Variants in LRP8 observed in about 807,000 individuals in gnomAD.
LRP8 encodes low-density lipoprotein receptor-related protein 8.
LRP8 carries 46 observed loss-of-function variants against 111.6 expected under a neutral mutation model. The ratio of observed to expected loss-of-function variants is 0.41; its 90% CI spans 0.33 to 0.53. LRP8 has a LOEUF of 0.53. LRP8 is among the 20% of genes least tolerant of loss of function. LRP8 has a pLI of 0.20. For synonymous variants in LRP8, 464 were observed against 511.2 expected, an observed-to-expected ratio of 0.91 and a Z score of 1.24; for missense variants, 959 against 1,297.4, an observed-to-expected ratio of 0.74 and a Z score of 4.01.
chr1:53,322,772 C>G (rs1407420360), intron 2 of LRP8, among the ~76,000 whole-genome samples: 2 of 152,148 alleles, frequency 1.3e-5, no homozygotes, highest in African/African-American at 4.8e-5. Flanking sequence ...CACGTCCAGG[C>G]CGCACACTGA....
intron 1 of LRP8, 195 bp from the exon 2 acceptor site, chr1:53,327,187 G>T: frequency 2.9e-6 from 2 of 686,282 alleles, no homozygotes; most frequent in South Asian, 2.0e-5. Flanking sequence ...CCGCTCGGTG[G>T]CACGGCGAGA....
At position 53,293,073 on chromosome 1, in the gene LRP8, A is replaced by G. The variant is rs1270850399; in HGVS notation, c.245-3384T>C. Among the ~76,000 whole-genome samples the G allele has an allele frequency of 1.3e-5, 2 of 152,208 alleles. No homozygotes were observed. The highest frequency in any genetic ancestry group is 2.9e-5 in the Non-Finnish European group (2 of 68,032). On this transcript the variant is annotated intron_variant, in intron 2 of 18. Coordinates refer to ENST00000306052, the MANE Select transcript of LRP8 (RefSeq NM_004631.5). This position sits in a 1 kb window ranked among gnomAD's most constrained non-coding sequence, Gnocchi z 4.9. ...TGTGTGGTCAGACAGTGCCCAAAAC[A>G]GCAGGGCAGGCTTGAAGAAGGTGAT...
chr1:53,266,728 G>T lies in LRP8; in HGVS notation c.1253-81C>A, dbSNP rs975291206. On this transcript the variant is annotated intron_variant, in intron 8 of 18. Coordinates refer to ENST00000306052, the MANE Select transcript of LRP8 (RefSeq NM_004631.5). This position sits in a 1 kb window ranked among gnomAD's most constrained non-coding sequence, Gnocchi z 5.0. ...GAGACCAAGACTCTGCCACTGGCTT[G>T]CTGGCTGACACATCCATTTTCCTTA... The T allele has an allele frequency of 2.3e-6, 3 of 1,284,724 alleles. No individual in the cohort carries two copies. The highest frequency in any genetic ancestry group is 3.4e-6 in the Non-Finnish European group (3 of 893,574). The allele number at this position is 1,284,724 out of a possible 1,614,324, so 79.6% of individuals were successfully genotyped here.
intron 8 of LRP8, chr1:53,267,472 GA>G (rs66785070): frequency 0.38 from 55,371 of 146,906 alleles, 11,132 homozygotes; most frequent in East Asian, 0.71. Flanking sequence ...TGTCTCAAAG[GA>G]AAAAAAAAAA....
intron 2 of LRP8, among the ~76,000 whole-genome samples, chr1:53,306,505 A>AC (rs879647362): frequency 7.9e-5 from 12 of 151,920 alleles, no homozygotes; most frequent in African/African-American, 1.9e-4. Flanking sequence ...TCCCAGCTCT[A>AC]CCCCCCGAGC....
Position 53,303,392 on chromosome 1 carries a change from C to T in LRP8, c.245-13703G>A, listed in dbSNP as rs138598170. 2.0e-4 allele frequency among the ~76,000 whole-genome samples: 30 copies of T among 152,300 alleles called. 1 individual carries two copies. Among genetic ancestry groups the T allele is most frequent in the African/African-American group, 6.7e-4 (28 of 41,558 alleles). On this transcript the variant is annotated intron_variant, in intron 2 of 18. Transcript: ENST00000306052. This position sits in a 1 kb window ranked among gnomAD's most constrained non-coding sequence, Gnocchi z 4.3. Reference sequence around the variant, plus strand: ...GGGCCCCAGGGCCATGTGGCCCAGCCCTTGGATTTCATACATGAGAAAAGG... The same window carrying T: ...GGGCCCCAGGGCCATGTGGCCCAGCTCTTGGATTTCATACATGAGAAAAGG...
At chr1:53,314,907 AC>A (rs1226328855) in intron 2 of LRP8, among the ~76,000 whole-genome samples, 1 of 152,082 alleles carries the variant, frequency 6.6e-6, no homozygotes, top group African/African-American at 2.4e-5. Flanking sequence ...CTCCTCTGTC[AC>A]CCTTCTCCAT....
At chr1:53,251,216 C>T (rs183667026) in intron 16 of LRP8, among the ~76,000 whole-genome samples, 1 of 152,240 alleles carries the variant, frequency 6.6e-6, no homozygotes, top group Non-Finnish European at 1.5e-5. Context: ...TTTTTAAACT[C>T]TCTACGCCCA....
chr1:53,255,135 C>G lies in LRP8; in HGVS notation c.2485G>C (p.Gly829Arg). ...CACTCACCTATGGGCACGATGATCCCGATAACAGCGGCAGTGACTGTTGAG... is the reference window on the plus strand; with the variant it reads ...CACTCACCTATGGGCACGATGATCCGGATAACAGCGGCAGTGACTGTTGAG... Reference protein sequence around the residue: ...MGSTVTAAVIGIIVPIVVIAL... With the variant: ...MGSTVTAAVIRIIVPIVVIAL... Residue 829 changes from glycine to arginine, a missense_variant, in exon 16 of 19, where the codon GGG becomes CGG. Gly to Arg is a moderately radical substitution (Grantham distance 125, BLOSUM62 -2). Coordinates refer to ENST00000306052, the MANE Select transcript of LRP8 (RefSeq NM_004631.5). The G allele has an allele frequency of 6.2e-7, 1 of 1,613,626 alleles. No individual in the cohort carries two copies. Among genetic ancestry groups the G allele is most frequent in the Non-Finnish European group, 8.5e-7 (1 of 1,179,912 alleles).
At chr1:53,313,053 C>T (rs867264272) in intron 2 of LRP8, among the ~76,000 whole-genome samples, 2 of 152,158 alleles carry the variant, frequency 1.3e-5, no homozygotes, top group Admixed American at 6.5e-5. Context: ...CAGGGTCATG[C>T]GGGGCCATGT....
chr1:53,290,653 C>T (rs1648559045), intron 2 of LRP8, among the ~76,000 whole-genome samples: 2 of 152,156 alleles, frequency 1.3e-5, no homozygotes, highest in Non-Finnish European at 2.9e-5. Flanking sequence ...TCTTGTCCTA[C>T]GAGGAACTAG....
In LRP8 at chr1:53,245,725, G is replaced by A. The variant is rs1246367970; in HGVS notation, c.*1293C>T. ...CATCTATATGAACATATGATGGTAA[G>A]TAACCTATTTATTACCTTAAAATGT... On this transcript the variant is annotated 3_prime_UTR_variant, in exon 19 of 19. Coordinates refer to ENST00000306052, the MANE Select transcript of LRP8 (RefSeq NM_004631.5). 1.3e-5 allele frequency: 2 copies of A among 152,604 alleles called. No individual in the cohort carries two copies. The highest frequency in any genetic ancestry group is 2.9e-5 in the Non-Finnish European group (2 of 68,048). The allele number at this position is 152,604 out of a possible 1,614,324, so 9.5% of individuals were successfully genotyped here. A position where few individuals can be genotyped will look rare whatever the true frequency, so the allele number is the denominator to read the frequency against.
At chr1:53,326,269 G>A (rs1557879322) in intron 2 of LRP8, among the ~76,000 whole-genome samples, 1 of 152,258 alleles carries the variant, frequency 6.6e-6, no homozygotes, top group South Asian at 2.1e-4. Flanking sequence ...ATGCGCGGGG[G>A]TGTGGCCGGG....
chr1:53,250,831 G>A lies in LRP8; in HGVS notation c.2535C>T (p.Tyr845=), dbSNP rs1645873495. 1.2e-6 allele frequency: 2 copies of A among 1,614,014 alleles called. No individual in the cohort carries two copies. The change falls in exon 17 of 19, where the codon TAC becomes TAT. Residue 845 remains tyrosine (Y), a synonymous_variant. Coordinates refer to ENST00000306052, the MANE Select transcript of LRP8 (RefSeq NM_004631.5). This position sits in a 1 kb window ranked among gnomAD's most constrained non-coding sequence, Gnocchi z 4.6. ...VVIALLCMSG[Y]LIWRNWKRKN... is the part of the protein sequence containing the mutation. ...TCCGCTTCCAGTTTCTCCAGATCAG[G>A]TATCCACTCATGCACAGGAGGGCTA... is the stretch of plus-strand genomic sequence containing the variant.
At position 53,249,173 on chromosome 1, in the gene LRP8, A is replaced by G. The variant is rs921425433; in HGVS notation, c.2853+207T>C. Among the ~76,000 whole-genome samples, 16 of 152,312 alleles carry G rather than the reference A, an allele frequency of 1.1e-4. No individual in the cohort carries two copies. Among genetic ancestry groups the G allele is most frequent in the African/African-American group, 3.6e-4 (15 of 41,570 alleles). ...TCATGAACAGTTTGCCTCAGCAGCA[A>G]TTCTGTCTGCCCTGCCCCAAACTTG... is the stretch of plus-strand genomic sequence containing the variant. On this transcript the variant is annotated intron_variant, in intron 18 of 18. Coordinates refer to ENST00000306052, the MANE Select transcript of LRP8 (RefSeq NM_004631.5). The surrounding 1 kb of genome is among the most constrained non-coding windows in gnomAD (Gnocchi z 4.1).
chr1:53,323,389 C>T (rs1351048368), intron 2 of LRP8, among the ~76,000 whole-genome samples: 4 of 152,246 alleles, frequency 2.6e-5, no homozygotes, highest in Non-Finnish European at 5.9e-5. Flanking sequence ...CAGCGTTCAT[C>T]GGCGCTATGG....
chr1:53,280,840 G>A, intron 3 of LRP8, 125 bp from the exon 4 acceptor site: 4 of 1,202,054 alleles, frequency 3.3e-6, no homozygotes, highest in Non-Finnish European at 4.6e-6. Context: ...GGCTCTTCTG[G>A]CCCATGTCTC....
At chr1:53,306,029 T>C (rs1174296533) in intron 2 of LRP8, 1 of 152,170 alleles carries the variant, frequency 6.6e-6, no homozygotes, top group Non-Finnish European at 1.5e-5. Flanking sequence ...CCTTCTCTAT[T>C]CTATTGGGAA....
rs552052312 is a variant in LRP8, at chr1:53,327,632, A to T, written c.124+157T>A. Among the ~76,000 whole-genome samples, 333 of 152,194 alleles carry T rather than the reference A, an allele frequency of 2.2e-3. 1 individual carries two copies. The highest frequency in any genetic ancestry group is 7.5e-3 in the African/African-American group (313 of 41,524). ...CGAGGCCCGCGGGGGCGGGGGGCCGAGGGCAAATTCAGGAATAGCCGCTTC... is the reference window on the plus strand; with the variant it reads ...CGAGGCCCGCGGGGGCGGGGGGCCGTGGGCAAATTCAGGAATAGCCGCTTC... On this transcript the variant is annotated intron_variant, in intron 1 of 18. Coordinates refer to ENST00000306052, the MANE Select transcript of LRP8 (RefSeq NM_004631.5).
Sources: allele counts gnomAD v4.1 joint callset (sites outside exome capture counted in the v4.1 genomes callset), GRCh38; gene constraint gnomAD v4.1.1; non-coding constraint Gnocchi (gnomAD v3.1); transcripts MANE v1.5; gene names NCBI Gene and HGNC (gene_info 2026-07-23, HGNC 2026-07-21).